Variants in ADAMTS17 observed in about 807,000 individuals in gnomAD.
ADAMTS17 encodes A disintegrin and metalloproteinase with thrombospondin motifs 17.
Under a neutral mutation model 141.5 loss-of-function variants are expected in ADAMTS17, and 113 were observed. That is an observed-to-expected ratio of 0.80 (90% CI 0.69 to 0.93). The LOEUF (loss-of-function observed/expected upper bound fraction) is 0.93, where lower values mean the gene tolerates loss of function less well. Among genes scored for constraint, ADAMTS17 ranks in the 40% least tolerant of loss-of-function variants. The pLI, the probability that ADAMTS17 is intolerant of heterozygous loss-of-function variation, is 0.00. For synonymous variants in ADAMTS17, 768 were observed against 630.6 expected, an observed-to-expected ratio of 1.22 and a Z score of -3.27; for missense variants, 1,659 against 1,517.9, an observed-to-expected ratio of 1.09 and a Z score of -1.54.
chr15:100,102,139 A>T (rs1486488212), intron 14 of ADAMTS17, among the ~76,000 whole-genome samples: 1 of 152,128 alleles, frequency 6.6e-6, no homozygotes, highest in African/African-American at 2.4e-5. Context: ...AGAACTCCAT[A>T]ATTATCTCAA....
chr15:100,260,758 CA>C (rs1716584820), intron 6 of ADAMTS17, among the ~76,000 whole-genome samples: 1 of 152,070 alleles, frequency 6.6e-6, no homozygotes, highest in African/African-American at 2.4e-5. Context: ...GAAAAGCAAG[CA>C]CGCAATTTGG....
intron 15 of ADAMTS17, among the ~76,000 whole-genome samples, chr15:100,069,372 A>C (rs1401590258): frequency 2.6e-5 from 4 of 152,208 alleles, no homozygotes; most frequent in Non-Finnish European, 5.9e-5. Context: ...GCCAACACTC[A>C]AATTCAGGAA....
intron 4 of ADAMTS17, among the ~76,000 whole-genome samples, chr15:100,263,886 G>A (rs2043617220): frequency 6.6e-6 from 1 of 152,200 alleles, no homozygotes; most frequent in African/African-American, 2.4e-5. Flanking sequence ...CGTTAAGCAC[G>A]GTAGACAGCA....
intron 18 of ADAMTS17, among the ~76,000 whole-genome samples, chr15:100,000,279 G>A (rs955522687): frequency 6.6e-6 from 1 of 152,158 alleles, no homozygotes; most frequent in African/African-American, 2.4e-5. Context: ...TCTGGTCTTT[G>A]GAGTAACCCA....
At chr15:100,330,046 G>A (rs1294054606) in intron 3 of ADAMTS17, among the ~76,000 whole-genome samples, 1 of 152,178 alleles carries the variant, frequency 6.6e-6, no homozygotes, top group African/African-American at 2.4e-5. Flanking sequence ...CGATCTCCTG[G>A]GAGGAAATGC....
At chr15:100,078,451 C>G (rs897334824) in intron 15 of ADAMTS17, among the ~76,000 whole-genome samples, 1 of 151,878 alleles carries the variant, frequency 6.6e-6, no homozygotes, top group African/African-American at 2.4e-5. Flanking sequence ...ACAAAGGTGC[C>G]AAGAATATTC....
intron 3 of ADAMTS17, among the ~76,000 whole-genome samples, chr15:100,294,120 G>A (rs1346962599): frequency 1.3e-5 from 2 of 152,184 alleles, no homozygotes; most frequent in African/African-American, 4.8e-5. Context: ...CATAGGGTCA[G>A]ATATATAACA....
chr15:100,124,851 G>A (rs1434763754), intron 12 of ADAMTS17, among the ~76,000 whole-genome samples: 1 of 152,166 alleles, frequency 6.6e-6, no homozygotes, highest in African/African-American at 2.4e-5. Context: ...TGCTGAAGTG[G>A]AGTCCTCAGG....
intron 6 of ADAMTS17, among the ~76,000 whole-genome samples, chr15:100,260,813 T>C (rs1596384168): frequency 6.6e-6 from 1 of 152,208 alleles, no homozygotes; most frequent in African/African-American, 2.4e-5. Context: ...AAATTCAAAG[T>C]TGACATATTC....
chr15:100,153,199 T>A (rs745640162), intron 9 of ADAMTS17, among the ~76,000 whole-genome samples: 7 of 152,234 alleles, frequency 4.6e-5, no homozygotes, highest in Non-Finnish European at 1.0e-4. Context: ...TATTTCCAAC[T>A]CTTCAGGTTC....
chr15:100,092,290 T>C (rs1478647952), intron 15 of ADAMTS17, among the ~76,000 whole-genome samples: 3 of 152,228 alleles, frequency 2.0e-5, no homozygotes, highest in South Asian at 2.1e-4. Flanking sequence ...AAGCATTTAA[T>C]GGCCTCTGAG....
At chr15:100,142,570 C>T (rs1427616471) in intron 10 of ADAMTS17, among the ~76,000 whole-genome samples, 1 of 152,224 alleles carries the variant, frequency 6.6e-6, no homozygotes, top group Non-Finnish European at 1.5e-5. Context: ...TACTAACTCT[C>T]ATGTCTTCAC....
At chr15:100,063,347 T>G (rs1036307473) in intron 15 of ADAMTS17, among the ~76,000 whole-genome samples, 1 of 152,230 alleles carries the variant, frequency 6.6e-6, no homozygotes, top group East Asian at 1.9e-4. Flanking sequence ...AGACTCAAGC[T>G]GCTCTCAGCT....
chr15:100,171,364 G>A (rs947434922), intron 8 of ADAMTS17, among the ~76,000 whole-genome samples: 1 of 152,180 alleles, frequency 6.6e-6, no homozygotes, highest in Non-Finnish European at 1.5e-5. Context: ...ACCCTGCCCA[G>A]GAGGCTGGGG....
intron 7 of ADAMTS17, among the ~76,000 whole-genome samples, chr15:100,211,887 G>T (rs1407096783): frequency 1.3e-5 from 2 of 152,148 alleles, no homozygotes; most frequent in African/African-American, 4.8e-5. Context: ...TTATTAAAGA[G>T]AATATAAATT....
chr15:100,143,800 C>G (rs567056487), intron 10 of ADAMTS17, among the ~76,000 whole-genome samples: 1 of 152,300 alleles, frequency 6.6e-6, no homozygotes, highest in Non-Finnish European at 1.5e-5. Context: ...TATTTGAAGC[C>G]TAGACTGCTC....
At chr15:100,340,183 G>A (rs1483924959) in intron 2 of ADAMTS17, among the ~76,000 whole-genome samples, 2 of 152,252 alleles carry the variant, frequency 1.3e-5, no homozygotes, top group African/African-American at 2.4e-5. Context: ...GGGCACGATG[G>A]AGAAGCTGAG....
At chr15:100,182,124 G>A (rs2040546795) in intron 8 of ADAMTS17, among the ~76,000 whole-genome samples, 1 of 152,182 alleles carries the variant, frequency 6.6e-6, no homozygotes, top group Non-Finnish European at 1.5e-5. Context: ...CCGAGTCTGG[G>A]TAATTTATAA....
chr15:100,192,133 G>A (rs1444161148), intron 8 of ADAMTS17, among the ~76,000 whole-genome samples: 1 of 152,218 alleles, frequency 6.6e-6, no homozygotes, highest in Non-Finnish European at 1.5e-5. Context: ...CCCAGTGGAC[G>A]CTCACACACG....
Sources: gnomAD v4.1 joint callset for allele counts (sites outside exome capture counted in the v4.1 genomes callset) on GRCh38, gnomAD v4.1.1 for gene constraint, MANE v1.5 for transcripts, NCBI Gene and HGNC (gene_info 2026-07-23, HGNC 2026-07-21) for gene names.